The following NEGR1 variants were observed in gnomAD, a reference collection of about 807,000 sequenced individuals.
NEGR1 encodes the protein neuronal growth regulator 1.
A neutral mutation model predicts 40.9 loss-of-function variants in NEGR1; 10 were observed. That is an observed-to-expected ratio of 0.24 (90% CI 0.15 to 0.42). The LOEUF (loss-of-function observed/expected upper bound fraction) is 0.42. Among genes scored for constraint, NEGR1 ranks in the 10% least tolerant of loss-of-function variants. NEGR1 has a pLI of 1.00. For synonymous variants in NEGR1, 185 were observed against 166.8 expected (o/e 1.11, Z -0.84); for missense variants, 352 against 438.9 (o/e 0.80, Z 1.77).
At chr1:71,918,683 C>CA (rs10707382) in intron 2 of NEGR1, among the ~76,000 whole-genome samples, 3,619 of 144,394 alleles carry the variant, frequency 0.025, 58 homozygotes, top group African/African-American at 0.036. Context: ...TATGCTGTGC[C>CA]AAAAAAAAAA....
chr1:71,809,501 C>T (rs1657909950), intron 2 of NEGR1, among the ~76,000 whole-genome samples: 1 of 152,016 alleles, frequency 6.6e-6, no homozygotes, highest in Non-Finnish European at 1.5e-5. Flanking sequence ...AAAAGTAAAC[C>T]AAGTATGCCC....
chr1:71,490,258 T>C (rs556023021), intron 6 of NEGR1, among the ~76,000 whole-genome samples: 1 of 152,104 alleles, frequency 6.6e-6, no homozygotes, highest in East Asian at 1.9e-4. Flanking sequence ...TTTGTTTCAA[T>C]TTTGAAATAC....
intron 4 of NEGR1, among the ~76,000 whole-genome samples, chr1:71,681,413 T>C (rs571674301): frequency 1.3e-5 from 2 of 152,292 alleles, no homozygotes; most frequent in East Asian, 3.9e-4. Flanking sequence ...ACACTAAGAG[T>C]ATTACTATGA....
intron 6 of NEGR1, chr1:71,407,839 T>A (rs1002618843): frequency 1.4e-5 from 5 of 351,292 alleles, no homozygotes; most frequent in Non-Finnish European, 2.1e-5. Context: ...ATGAAGCACA[T>A]ACAGCATATT....
intron 6 of NEGR1, among the ~76,000 whole-genome samples, chr1:71,544,047 A>C (rs1647805660): frequency 6.6e-6 from 1 of 151,694 alleles, no homozygotes; most frequent in Admixed American, 6.6e-5. Flanking sequence ...CAACTGCCAG[A>C]AACCAACCTT....
At chr1:71,785,869 C>T (rs889451039) in intron 2 of NEGR1, among the ~76,000 whole-genome samples, 1 of 152,106 alleles carries the variant, frequency 6.6e-6, no homozygotes, top group African/African-American at 2.4e-5. Flanking sequence ...ATAAGGTAAG[C>T]CTGCTCAGGT....
intron 1 of NEGR1, among the ~76,000 whole-genome samples, chr1:72,015,738 G>A (rs1646704332): frequency 6.6e-6 from 1 of 152,116 alleles, no homozygotes; most frequent in African/African-American, 2.4e-5. Flanking sequence ...AAAAGCTGAG[G>A]CAGGGCTTGC....
chr1:71,861,348 T>C (rs887235330), intron 2 of NEGR1, among the ~76,000 whole-genome samples: 1 of 152,060 alleles, frequency 6.6e-6, no homozygotes, highest in Non-Finnish European at 1.5e-5. Flanking sequence ...AGAGGTGGAC[T>C]GCACATCTCT....
chr1:71,546,773 T>C (rs1647911244), intron 6 of NEGR1, among the ~76,000 whole-genome samples: 1 of 151,650 alleles, frequency 6.6e-6, no homozygotes, highest in Non-Finnish European at 1.5e-5. Context: ...GTGATTCTTA[T>C]AAAGTATTGG....
At chr1:71,745,638 A>G (rs986231833) in intron 3 of NEGR1, among the ~76,000 whole-genome samples, 4 of 152,178 alleles carry the variant, frequency 2.6e-5, no homozygotes, top group African/African-American at 4.8e-5. Flanking sequence ...GTTTCAGACC[A>G]GGGAATGATG....
chr1:72,179,528 T>C (rs540881750), intron 1 of NEGR1, among the ~76,000 whole-genome samples: 271 of 152,236 alleles, frequency 1.8e-3, no homozygotes, highest in Non-Finnish European at 3.4e-3. Context: ...ACTGTATGTG[T>C]CCAGTAAGTA....
intron 1 of NEGR1, among the ~76,000 whole-genome samples, chr1:72,080,455 C>T (rs1327866458): frequency 6.6e-6 from 1 of 151,524 alleles, no homozygotes; most frequent in Non-Finnish European, 1.5e-5. Context: ...TTTCTAGGTA[C>T]TATGAATATT....
At chr1:71,812,744 G>A (rs1338442282) in intron 2 of NEGR1, among the ~76,000 whole-genome samples, 1 of 151,962 alleles carries the variant, frequency 6.6e-6, no homozygotes, top group Non-Finnish European at 1.5e-5. Flanking sequence ...TAATGGAGTT[G>A]TGTTTTTATT....
chr1:71,778,164 G>GAT (rs1055547993), intron 2 of NEGR1, among the ~76,000 whole-genome samples: 3 of 151,648 alleles, frequency 2.0e-5, no homozygotes, highest in African/African-American at 7.3e-5. Flanking sequence ...AGCACATGTG[G>GAT]ATATATATAC....
rs544876680 is a variant in NEGR1 at position 71,991,935 on chromosome 1, G to A, written c.177-56624C>T. The stretch of plus-strand genomic sequence containing the variant: ...GCCTCCCGAATAGCTGGGACTGCAG[G>A]TGCATACTGCCACACCTGGCTAATT... On this transcript the variant is annotated intron_variant, in intron 1 of 6. Coordinates refer to ENST00000357731, the MANE Select transcript of NEGR1 (RefSeq NM_173808.3). 3.7e-4 allele frequency among the ~76,000 whole-genome samples: 57 copies of A among 152,156 alleles called. No homozygotes were observed. The East Asian group carries it at 0.011, about 29-fold the overall frequency.
chr1:71,876,990 TA>T (rs146733354), intron 2 of NEGR1, among the ~76,000 whole-genome samples: 6,052 of 149,002 alleles, frequency 0.041, 244 homozygotes, highest in South Asian at 0.11. Context: ...TTGCAGTAGT[TA>T]AAAAAAAAAT....
intron 6 of NEGR1, chr1:71,486,491 A>G (rs1646888983): frequency 6.6e-6 from 1 of 151,510 alleles, no homozygotes; most frequent in African/African-American, 2.4e-5. Flanking sequence ...TTTCCTAATA[A>G]CCTAGCTGAT....
chr1:71,649,939 A>G (rs1651656830), intron 4 of NEGR1, among the ~76,000 whole-genome samples: 1 of 152,144 alleles, frequency 6.6e-6, no homozygotes, highest in African/African-American at 2.4e-5. Context: ...TGATATTCTT[A>G]CTTTTTCATT....
Position 71,935,292 on chromosome 1 carries a change from C to T in NEGR1, c.196G>A (p.Ala66Thr), listed in dbSNP as rs371109100. 3.1e-6 allele frequency: 5 copies of T among 1,612,634 alleles called. No homozygotes were observed. Among genetic ancestry groups the T allele is most frequent in the South Asian group, 1.1e-5 (1 of 91,050 alleles). The change falls in exon 2 of 7, where the codon GCT becomes ACT. Residue 66 changes from alanine to threonine, a missense_variant. By Grantham distance (58) the Ala-to-Thr change is moderately conservative. This residue lies in a region of NEGR1 where 81 missense variants were observed against 85.8 expected (regional missense o/e 0.94). Coordinates refer to ENST00000357731, the MANE Select transcript of NEGR1 (RefSeq NM_173808.3). ...CGGTTCAGCCAGGCACCCTTTGAAG[C>T]TCCATCTTCCAAATAACACCTACAA... ...AVLRCYLEDG[A>T]SKGAWLNRSS...
Sources: gnomAD v4.1 joint callset for allele counts (sites outside exome capture counted in the v4.1 genomes callset) on GRCh38, gnomAD v4.1.1 for gene constraint, gnomAD v4.1.1 regional missense constraint, MANE v1.5 for transcripts, NCBI Gene and HGNC (gene_info 2026-07-23, HGNC 2026-07-21) for gene names.